The following PTPRD variants were observed in gnomAD, a reference collection of about 807,000 sequenced individuals.
The protein encoded by PTPRD is protein tyrosine phosphatase receptor type D, also known as receptor-type tyrosine-protein phosphatase delta.
PTPRD carries 34 observed loss-of-function variants against 214.5 expected under a neutral mutation model. The ratio of observed to expected loss-of-function variants is 0.16; its 90% CI spans 0.12 to 0.21. The LOEUF (loss-of-function observed/expected upper bound fraction) is 0.21, where lower values mean the gene tolerates loss of function less well. Among genes scored for constraint, PTPRD ranks in the 10% least tolerant of loss-of-function variants. The pLI, the probability that PTPRD is intolerant of heterozygous loss-of-function variation, is 1.00. For missense variants in PTPRD, 2,545 were observed against 2,398.7 expected (o/e 1.06, Z -1.27); for synonymous variants, 1,128 against 845.7 (o/e 1.33, Z -5.79).
At chr9:9,722,384 C>T (rs1401197195) in intron 7 of PTPRD, among the ~76,000 whole-genome samples, 1 of 151,994 alleles carries the variant, frequency 6.6e-6, no homozygotes, top group African/African-American at 2.4e-5. Flanking sequence ...ATTCATATTA[C>T]AGCACGTAAC....
intron 11 of PTPRD, among the ~76,000 whole-genome samples, chr9:8,936,872 G>A (rs1402150125): frequency 6.6e-6 from 1 of 152,094 alleles, no homozygotes; most frequent in Non-Finnish European, 1.5e-5. Context: ...AGATTTACAT[G>A]AATCAAATGC....
intron 11 of PTPRD, among the ~76,000 whole-genome samples, chr9:8,911,351 G>A (rs770630327): frequency 2.6e-5 from 4 of 151,808 alleles, no homozygotes; most frequent in African/African-American, 9.7e-5. Context: ...GGAAAAGATG[G>A]TCCTTTCAAT....
At chr9:10,514,397 T>G (rs1291024893) in intron 2 of PTPRD, among the ~76,000 whole-genome samples, 1 of 151,580 alleles carries the variant, frequency 6.6e-6, no homozygotes, top group Non-Finnish European at 1.5e-5. Flanking sequence ...CATTCATAAT[T>G]TGAGCATTTA....
At chr9:10,095,300 C>T (rs956396865) in intron 3 of PTPRD, among the ~76,000 whole-genome samples, 1 of 151,360 alleles carries the variant, frequency 6.6e-6, no homozygotes, top group Non-Finnish European at 1.5e-5. Context: ...ATAGATGGAG[C>T]ATAATATAGA....
chr9:8,431,022 G>A (rs529076073), intron 35 of PTPRD, among the ~76,000 whole-genome samples: 4 of 152,266 alleles, frequency 2.6e-5, no homozygotes, highest in Non-Finnish European at 5.9e-5. Context: ...CTGTAGTACT[G>A]TAGTGGATAA....
chr9:8,334,420 C>A (rs6477291), intron 43 of PTPRD, among the ~76,000 whole-genome samples: 120,568 of 146,976 alleles, frequency 0.82, 49,685 homozygotes, highest in East Asian at 0.89. Flanking sequence ...GAAGCTGAAC[C>A]ACCTGCTCCT....
intron 2 of PTPRD, among the ~76,000 whole-genome samples, chr9:10,461,754 C>G (rs1461146760): frequency 1.3e-5 from 2 of 151,744 alleles, no homozygotes; most frequent in Non-Finnish European, 2.9e-5. Flanking sequence ...TCCTGAGTAA[C>G]TGGGATTACA....
chr9:9,085,225 T>C (rs541963328), intron 10 of PTPRD, among the ~76,000 whole-genome samples: 1 of 152,286 alleles, frequency 6.6e-6, no homozygotes, highest in South Asian at 2.1e-4. Flanking sequence ...AAAAGAAAGA[T>C]AGACACAAGA....
At chr9:9,858,258 G>A (rs2061953709) in intron 5 of PTPRD, among the ~76,000 whole-genome samples, 1 of 152,184 alleles carries the variant, frequency 6.6e-6, no homozygotes, top group African/African-American at 2.4e-5. Context: ...GCAGACAAAT[G>A]TGGACAATAA....
chr9:9,345,456 C>T (rs1596123360), intron 9 of PTPRD, among the ~76,000 whole-genome samples: 1 of 151,916 alleles, frequency 6.6e-6, no homozygotes, highest in South Asian at 2.1e-4. Flanking sequence ...TAGGAATGGA[C>T]CCTGGGCTAT....
At chr9:10,388,710 T>C (rs2097981757) in intron 2 of PTPRD, among the ~76,000 whole-genome samples, 1 of 151,870 alleles carries the variant, frequency 6.6e-6, no homozygotes, top group East Asian at 1.9e-4. Flanking sequence ...TGCCTATTGA[T>C]CACTGTGACC....
chr9:10,309,103 A>C (rs1290480913), intron 3 of PTPRD, among the ~76,000 whole-genome samples: 3 of 152,064 alleles, frequency 2.0e-5, no homozygotes, highest in African/African-American at 7.2e-5. Context: ...GTTTTAACAA[A>C]TCCTAAGCAA....
intron 4 of PTPRD, among the ~76,000 whole-genome samples, chr9:10,016,760 G>A (rs1489884815): frequency 6.6e-6 from 1 of 151,788 alleles, no homozygotes; most frequent in African/African-American, 2.4e-5. Flanking sequence ...GATCTCTTGG[G>A]CTCAAGCCAG....
intron 8 of PTPRD, among the ~76,000 whole-genome samples, chr9:9,469,486 G>A (rs866828498): frequency 6.6e-6 from 1 of 152,104 alleles, no homozygotes; most frequent in African/African-American, 2.4e-5. Context: ...CTGAGCTTGA[G>A]ACAGAGGCTT....
intron 7 of PTPRD, among the ~76,000 whole-genome samples, chr9:9,698,444 G>A (rs555110913): frequency 6.6e-6 from 1 of 152,256 alleles, no homozygotes; most frequent in South Asian, 2.1e-4. Context: ...GATCCCAAAG[G>A]GCAAATGCCA....
intron 5 of PTPRD, among the ~76,000 whole-genome samples, chr9:9,894,851 C>T (rs1273167939): frequency 1.3e-5 from 2 of 151,948 alleles, no homozygotes; most frequent in East Asian, 1.9e-4. Flanking sequence ...TTTTCTGACA[C>T]TTTTGTTTCT....
intron 3 of PTPRD, among the ~76,000 whole-genome samples, chr9:10,185,342 A>C (rs2099325092): frequency 6.6e-6 from 1 of 152,172 alleles, no homozygotes; most frequent in Non-Finnish European, 1.5e-5. Context: ...ATACTTTCCA[A>C]TTTCGAATGA....
intron 43 of PTPRD, among the ~76,000 whole-genome samples, chr9:8,333,028 G>A (rs903527798): frequency 6.6e-6 from 1 of 152,164 alleles, no homozygotes; most frequent in East Asian, 1.9e-4. Flanking sequence ...AGTGTGAGAT[G>A]AGCACTCATC....
chr9:8,548,676 A>ATTTTT (rs71317369), intron 14 of PTPRD, among the ~76,000 whole-genome samples: 19 of 41,116 alleles, frequency 4.6e-4, no homozygotes, highest in Non-Finnish European at 6.2e-4. Context: ...CTGGAGCTGG[A>ATTTTT]TTTTTTTTTT....
Sources: gnomAD v4.1 joint callset for allele counts (sites outside exome capture counted in the v4.1 genomes callset) on GRCh38, gnomAD v4.1.1 for gene constraint, MANE v1.5 for transcripts, NCBI Gene and HGNC (gene_info 2026-07-23, HGNC 2026-07-21) for gene names.